Variants in SLC5A6 observed in about 807,000 individuals in gnomAD.
SLC5A6 encodes solute carrier family 5 member 6, also known as sodium-dependent multivitamin transporter.
Under a neutral mutation model 67.9 loss-of-function variants are expected in SLC5A6, and 31 were observed. That is an observed-to-expected ratio of 0.46 (90% confidence interval 0.34 to 0.62). The LOEUF (loss-of-function observed/expected upper bound fraction) is 0.62, where lower values mean the gene tolerates loss of function less well. Ranked by LOEUF, SLC5A6 falls within the 20% of genes least tolerant of loss-of-function variation. The pLI is 0.01. For synonymous variants in SLC5A6, 343 were observed against 331.0 expected (o/e 1.04, Z -0.39); for missense variants, 673 against 812.8 (o/e 0.83, Z 2.09).
rs139747998 is a variant in SLC5A6 at position 27,207,441 on chromosome 2, C to T, written c.210G>A (p.Pro70=). ...LMADRKMGCL[P]VALSLLATFQ... ...AGGTGGCCAGCAGGGACAGTGCCAC[C>T]GGAAGGCAGCCCATTTTGCGGTCCG... The change falls in exon 3 of 17, where the codon CCG becomes CCA. Residue 70 remains proline, a synonymous_variant. Transcript: ENST00000310574. This position sits in a 1 kb window ranked among gnomAD's most constrained non-coding sequence, Gnocchi z 5.5. 455 of 1,614,174 alleles carry T rather than the reference C, an allele frequency of 2.8e-4. No individual in the cohort carries two copies. The East Asian group carries it at 3.6e-3, about 13-fold the overall frequency.
Position 27,199,969 on chromosome 2 carries a change from G to A in SLC5A6, c.*467C>T, listed in dbSNP as rs1673492632. 1 of 154,344 alleles carries A rather than the reference G, an allele frequency of 6.5e-6. No individual in the cohort carries two copies. Among genetic ancestry groups the A allele is most frequent in the Admixed American group, 6.5e-5 (1 of 15,466 alleles). 9.6% of individuals were successfully genotyped at this position (154,344 alleles called of 1,614,324 possible). A position where few individuals can be genotyped will look rare whatever the true frequency, so the allele number is the denominator to read the frequency against. On this transcript the variant is annotated 3_prime_UTR_variant, in exon 17 of 17. Transcript: ENST00000310574. ...ACAGACAATCTGAAAGTAATAATAG[G>A]GGCTCACTGTGGCTGGCAGAACTGG...
Position 27,199,673 on chromosome 2 carries a change from G to A in SLC5A6, c.*763C>T, listed in dbSNP as rs1421274129. The A allele has an allele frequency of 2.0e-5, 3 of 152,458 alleles. No individual in the cohort carries two copies. The allele number at this position is 152,458 out of a possible 1,614,324, so 9.4% of individuals were successfully genotyped here. ...AAAAGGAAACAGAGCACGGATGACA[G>A]AAATGACACCACGGCAGCCTGGCTC... On this transcript the variant is annotated 3_prime_UTR_variant, in exon 17 of 17. Coordinates refer to ENST00000310574, the MANE Select transcript of SLC5A6 (RefSeq NM_021095.4).
rs752809492 is a variant in SLC5A6, at chr2:27,201,675, G to A, written c.1535C>T (p.Thr512Ile). 3.1e-6 allele frequency: 5 copies of A among 1,613,754 alleles called. No homozygotes were observed. The highest frequency in any genetic ancestry group is 4.2e-6 in the Non-Finnish European group (5 of 1,179,798). Residue 512 changes from threonine to isoleucine, a missense_variant, in exon 14 of 17, where the codon ACC (threonine) becomes ATC (isoleucine). Physicochemically the swap from Thr to Ile is moderately conservative, Grantham distance 89. Transcript: ENST00000310574. ...ATVTTLMPLTTFSKPTGLQRF... is the reference protein window; with the variant it reads ...ATVTTLMPLTIFSKPTGLQRF... ...GCAAGCCCTGCCTTACTTGGAGAAG[G>A]TAGTCAAGGGCATCAGTGTGGTCAC... is the stretch of plus-strand genomic sequence containing the variant.
chr2:27,202,965 A>G, intron 11 of SLC5A6, 85 bp from the exon 12 acceptor site: 1 of 1,576,554 alleles, frequency 6.3e-7, no homozygotes, highest in Non-Finnish European at 8.6e-7. Context: ...GCCCAGCCAA[A>G]CTACCACCTC....
chr2:27,203,717 T>C, intron 10 of SLC5A6, 62 bp downstream of exon 10: 2 of 1,252,700 alleles, frequency 1.6e-6, no homozygotes, highest in African/African-American at 1.5e-5. Flanking sequence ...GCTCCACCCA[T>C]CACCTTGTAC....
chr2:27,207,725 C>T lies in SLC5A6; in HGVS notation c.-75G>A. On this transcript the variant is annotated 5_prime_UTR_variant, in exon 3 of 17. Coordinates refer to ENST00000310574, the MANE Select transcript of SLC5A6 (RefSeq NM_021095.4). This position sits in a 1 kb window ranked among gnomAD's most constrained non-coding sequence, Gnocchi z 5.5. Reference sequence around the variant, plus strand: ...GGGTAGGGCAGGGGCGGATGTGTGGCTACAATCTGGCTTCCAGCCACAGTC... The same window carrying T: ...GGGTAGGGCAGGGGCGGATGTGTGGTTACAATCTGGCTTCCAGCCACAGTC... The T allele has an allele frequency of 7.1e-7, 1 of 1,412,088 alleles. No individual in the cohort carries two copies. Among genetic ancestry groups the T allele is most frequent in the Non-Finnish European group, 9.7e-7 (1 of 1,026,306 alleles). The allele number at this position is 1,412,088 out of a possible 1,614,324, so 87.5% of individuals were successfully genotyped here.
chr2:27,200,272 G>T lies in SLC5A6; in HGVS notation c.*164C>A. 5.2e-6 allele frequency: 3 copies of T among 574,510 alleles called. No individual in the cohort carries two copies. The highest frequency in any genetic ancestry group is 8.5e-6 in the Non-Finnish European group (3 of 351,656). The allele number at this position is 574,510 out of a possible 1,614,324, so 35.6% of individuals were successfully genotyped here. ...TGCCTCACATGCTTGAGATGTGACA[G>T]CTTCTCCTGCAGGCAAGAACCTCTC... is the stretch of plus-strand genomic sequence containing the variant. On this transcript the variant is annotated 3_prime_UTR_variant, in exon 17 of 17. Coordinates refer to ENST00000310574, the MANE Select transcript of SLC5A6 (RefSeq NM_021095.4).
chr2:27,204,675 C>A, intron 8 of SLC5A6, 85 bp from the exon 9 acceptor site: 1 of 1,598,564 alleles, frequency 6.3e-7, no homozygotes, highest in Non-Finnish European at 8.6e-7. Flanking sequence ...AAAGGAGACC[C>A]ACATCCTGAC....
chr2:27,207,601 G>C lies in SLC5A6; in HGVS notation c.50C>G (p.Thr17Arg). The change falls in exon 3 of 17, where the codon ACA (threonine) becomes AGA (arginine). Residue 17 changes from threonine (T) to arginine (R), a missense_variant. Transcript: ENST00000310574. This position sits in a 1 kb window ranked among gnomAD's most constrained non-coding sequence, Gnocchi z 5.5. ...GGAGAAGGTAGACATGCCCACGCTT[G>C]TGCCCGAGGTTGGGGAAAGAGGGGC... ...TSAPLSPTSGTSVGMSTFSIM... is the reference protein window; with the variant it reads ...TSAPLSPTSGRSVGMSTFSIM... The C allele has an allele frequency of 1.2e-6, 2 of 1,614,260 alleles. No individual in the cohort carries two copies. The highest frequency in any genetic ancestry group is 2.2e-5 in the South Asian group (2 of 91,092).
upstream of SLC5A6, chr2:27,212,295 G>C (rs762557057): frequency 4.2e-5 from 65 of 1,552,100 alleles, 1 homozygote; most frequent in Non-Finnish European, 5.4e-5. Context: ...GCCCGGGGAA[G>C]AGGGCCTGAC....
intron 2 of SLC5A6, among the ~76,000 whole-genome samples, chr2:27,210,436 C>CA (rs1317473670): frequency 6.6e-6 from 1 of 151,730 alleles, no homozygotes; most frequent in Non-Finnish European, 1.5e-5. Context: ...GGACCCCCCC[C>CA]CCTTTTTTTT....
At chr2:27,206,283 G>T in intron 5 of SLC5A6, 190 bp from the exon 6 acceptor site, 2 of 698,108 alleles carry the variant, frequency 2.9e-6, no homozygotes, top group Non-Finnish European at 5.0e-6. Flanking sequence ...GTTCAGATAG[G>T]GCATGGTAAC....
rs1178973604 is a variant in SLC5A6 at position 27,200,989 on chromosome 2, A to G, written c.1764+9T>C. The G allele has an allele frequency of 1.9e-6, 3 of 1,574,308 alleles. No homozygotes were observed. The African/African-American group carries it at 4.0e-5, about 21-fold the overall frequency. ...GGCAGGGAGGGGTCACTTGGACAGC[A>G]GGTACTACCTGGCCGTAGCTCCTGC... On this transcript the variant is annotated intron_variant, in intron 16 of 16. Coordinates refer to ENST00000310574, the MANE Select transcript of SLC5A6 (RefSeq NM_021095.4).
intron 14 of SLC5A6, 55 bp downstream of exon 14, chr2:27,201,610 GA>G: frequency 6.5e-7 from 1 of 1,549,174 alleles, no homozygotes; most frequent in Non-Finnish European, 8.9e-7. Context: ...AGACCCCTGT[GA>G]AAGCCCTCAA....
chr2:27,202,047 C>T lies in SLC5A6; in HGVS notation c.1303G>A (p.Gly435Arg). 3.1e-6 allele frequency: 5 copies of T among 1,614,106 alleles called. No individual in the cohort carries two copies. The highest frequency in any genetic ancestry group is 4.2e-6 in the Non-Finnish European group (5 of 1,179,954). ...CAGAAGAGTCCCAGCAGCGGTCCCC[C>T]AACCATGCCAAAGATGCTGATTGCT... ...QAAISIFGMV[G>R]GPLLGLFCLG... The change falls in exon 13 of 17, where the codon GGG becomes AGG. Residue 435 changes from glycine to arginine, a missense_variant. Transcript: ENST00000310574.
At position 27,206,547 on chromosome 2, in the gene SLC5A6, G is replaced by GA. The variant is rs1193117636; in HGVS notation, c.460-14dup. 1.7e-5 allele frequency: 27 copies of GA among 1,612,890 alleles called. No individual in the cohort carries two copies. Among genetic ancestry groups the GA allele is most frequent in the Non-Finnish European group, 2.2e-5 (26 of 1,179,078 alleles). ...CCATGTAGATCACCTGTTGCATGTGGAAAAAATGTGATGGGGGCCGGAGAA... is the reference window on the plus strand; with the variant it reads ...CCATGTAGATCACCTGTTGCATGTGGAAAAAAATGTGATGGGGGCCGGAGAA... On this transcript the variant is annotated splice_polypyrimidine_tract_variant and intron_variant, in intron 4 of 16. Transcript: ENST00000310574.
chr2:27,203,736 G>C, intron 10 of SLC5A6, 43 bp downstream of exon 10: 1 of 1,414,304 alleles, frequency 7.1e-7, no homozygotes, highest in Non-Finnish European at 1.0e-6. Context: ...ACCAAATAGG[G>C]GTCAGGTGCA....
At chr2:27,212,444 G>T, upstream of SLC5A6, 1 of 1,562,954 alleles carries the variant, frequency 6.4e-7, no homozygotes, top group African/African-American at 1.4e-5. Context: ...TCTGGGCGTG[G>T]AAAGGGCTCT....
intron 4 of SLC5A6, 27 bp from the exon 5 acceptor site, chr2:27,206,561 G>C: frequency 6.2e-7 from 1 of 1,608,726 alleles, no homozygotes; most frequent in Non-Finnish European, 8.5e-7. Context: ...AAATGTGATG[G>C]GGGCCGGAGA....
Sources: allele counts gnomAD v4.1 joint callset (sites outside exome capture counted in the v4.1 genomes callset), GRCh38; gene constraint gnomAD v4.1.1; non-coding constraint Gnocchi (gnomAD v3.1); transcripts MANE v1.5; gene names NCBI Gene and HGNC (gene_info 2026-07-23, HGNC 2026-07-21).